Variants in NF1 observed in about 807,000 individuals in gnomAD.
The protein encoded by NF1 is neurofibromin 1.
Under a neutral mutation model 325.7 loss-of-function variants are expected in NF1, and 122 were observed. The observed-to-expected ratio is 0.37, with a 90% CI of 0.32 to 0.44. NF1 has a LOEUF of 0.44. NF1 is among the 20% of genes least tolerant of loss of function. NF1 has a pLI of 1.00. For synonymous variants in NF1, 1,091 were observed against 1,186.0 expected, an observed-to-expected ratio of 0.92 and a Z score of 1.65; for missense variants, 2,140 against 3,415.4, an observed-to-expected ratio of 0.63 and a Z score of 9.31.
intron 13 of NF1, among the ~76,000 whole-genome samples, chr17:31,217,408 T>A (rs2066838202): frequency 6.6e-6 from 1 of 151,672 alleles, no homozygotes; most frequent in Non-Finnish European, 1.5e-5. Context: ...GCCTCCTGGG[T>A]TGAAGTGATT....
At chr17:31,110,233 G>A (rs1204032042) in intron 1 of NF1, among the ~76,000 whole-genome samples, 5 of 152,102 alleles carry the variant, frequency 3.3e-5, no homozygotes, top group Admixed American at 3.3e-4. Context: ...ACAATTGGAT[G>A]AACTTTAAAA....
At chr17:31,243,792 T>C (rs756542809) in intron 29 of NF1, among the ~76,000 whole-genome samples, 2 of 151,906 alleles carry the variant, frequency 1.3e-5, no homozygotes, top group Non-Finnish European at 1.5e-5. Flanking sequence ...AGGAGCCTAC[T>C]TAGTGCCCTA....
intron 8 of NF1, among the ~76,000 whole-genome samples, chr17:31,191,848 CT>C (rs1223704650): frequency 6.6e-6 from 1 of 152,100 alleles, no homozygotes; most frequent in Non-Finnish European, 1.5e-5. Context: ...AATTTTTATT[CT>C]TTTTAAGGTT....
At chr17:31,151,405 A>G (rs999080291) in intron 1 of NF1, among the ~76,000 whole-genome samples, 1 of 152,186 alleles carries the variant, frequency 6.6e-6, no homozygotes, top group Non-Finnish European at 1.5e-5. Context: ...TGTCTTTCCA[A>G]TTATTCTGGT....
intron 1 of NF1, among the ~76,000 whole-genome samples, chr17:31,135,872 C>G (rs1382614519): frequency 2.0e-5 from 3 of 152,100 alleles, no homozygotes; most frequent in African/African-American, 7.2e-5. Flanking sequence ...CCACCACCCC[C>G]AGCTCTGCCA....
Position 31,095,354 on chromosome 17 carries a change from C to T in NF1, c.45C>T (p.Ser15=), listed in dbSNP as rs2143145432. ...RPVEWVQAVV[S]RFDEQLPIKT... is the part of the protein sequence containing the mutation. ...TGGAATGGGTCCAGGCCGTGGTCAGCCGCTTCGACGAGCAGGTAACCGGCC... is the reference window on the plus strand; with the variant it reads ...TGGAATGGGTCCAGGCCGTGGTCAGTCGCTTCGACGAGCAGGTAACCGGCC... The change falls in exon 1 of 58, where the codon AGC becomes AGT. Residue 15 remains serine (S), a synonymous_variant. Coordinates refer to ENST00000358273, the MANE Select transcript of NF1 (RefSeq NM_001042492.3). The T allele has an allele frequency of 6.5e-7, 1 of 1,540,040 alleles. No homozygotes were observed. Among genetic ancestry groups the T allele is most frequent in the African/African-American group, 1.4e-5 (1 of 73,132 alleles).
chr17:31,344,399 T>C (rs924952003), intron 48 of NF1, among the ~76,000 whole-genome samples: 23 of 152,176 alleles, frequency 1.5e-4, no homozygotes, highest in African/African-American at 5.3e-4. Context: ...CATGTAGTGG[T>C]GGGTCAGAAG....
At position 31,219,012 on chromosome 17, in the gene NF1, G is replaced by T; in HGVS notation, c.1535G>T (p.Arg512Ile). The T allele has an allele frequency of 6.2e-7, 1 of 1,612,556 alleles. No individual in the cohort carries two copies. Among genetic ancestry groups the T allele is most frequent in the Non-Finnish European group, 8.5e-7 (1 of 1,179,412 alleles). The change falls in exon 14 of 58, where the codon AGA becomes ATA. Residue 512 changes from arginine to isoleucine, a missense_variant. Transcript: ENST00000358273. The stretch of plus-strand genomic sequence containing the variant: ...TCCTTTTTTTCCTTGCAGAATCCAA[G>T]AAAACAGGGGCCCGAAACCCAAGGC... Reference protein sequence around the residue: ...ADPKLLLCNPRKQGPETQGST... With the variant: ...ADPKLLLCNPIKQGPETQGST...
chr17:31,153,829 G>A (rs904164492), intron 1 of NF1, among the ~76,000 whole-genome samples: 5 of 150,044 alleles, frequency 3.3e-5, no homozygotes, highest in Non-Finnish European at 7.4e-5. Context: ...GCCCAGGCTG[G>A]TCTTGAACTC....
chr17:31,304,270 A>G, intron 36 of NF1: 2 of 1,603,544 alleles, frequency 1.2e-6, no homozygotes, highest in Non-Finnish European at 1.7e-6. Flanking sequence ...TATTTATAAC[A>G]GTTCTGCAGG....
intron 36 of NF1, among the ~76,000 whole-genome samples, chr17:31,277,059 AG>A (rs1329103626): frequency 1.3e-5 from 2 of 152,358 alleles, no homozygotes; most frequent in Admixed American, 1.3e-4. Flanking sequence ...ATTGTTACCC[AG>A]AAAATCATGA....
intron 36 of NF1, among the ~76,000 whole-genome samples, chr17:31,298,531 C>A (rs921060404): frequency 6.6e-6 from 1 of 152,024 alleles, no homozygotes; most frequent in Non-Finnish European, 1.5e-5. Flanking sequence ...TATTTTCTTA[C>A]AAGAGAAACT....
intron 20 of NF1, 129 bp downstream of exon 20, chr17:31,227,735 G>T (rs558867952): frequency 2.5e-6 from 2 of 811,026 alleles, no homozygotes; most frequent in Non-Finnish European, 4.2e-6. Context: ...ATTTAGTTGT[G>T]GTTTATCTAG....
Position 31,375,760 on chromosome 17 carries a change from T to C in NF1, c.*1605T>C, listed in dbSNP as rs1049700875. ...TTTAAGTGTTCTGATTTTAATAATA[T>C]ATTTCACATTTATCCACACAGTAAC... On this transcript the variant is annotated 3_prime_UTR_variant, in exon 58 of 58. Coordinates refer to ENST00000358273, the MANE Select transcript of NF1 (RefSeq NM_001042492.3). The C allele has an allele frequency of 8.6e-6, 2 of 232,470 alleles. No individual in the cohort carries two copies. Among genetic ancestry groups the C allele is most frequent in the Admixed American group, 1.1e-4 (2 of 17,766 alleles). The allele number at this position is 232,470 out of a possible 1,614,324, so 14.4% of individuals were successfully genotyped here. A position where few individuals can be genotyped will look rare whatever the true frequency, so the allele number is the denominator to read the frequency against.
chr17:31,352,105 C>A, intron 50 of NF1, 152 bp from the exon 51 acceptor site: 2 of 695,570 alleles, frequency 2.9e-6, no homozygotes, highest in Non-Finnish European at 5.0e-6. Context: ...AGGGATACAC[C>A]AAGAGTTTGT....
chr17:31,113,301 G>A (rs1913587121), intron 1 of NF1, among the ~76,000 whole-genome samples: 1 of 151,998 alleles, frequency 6.6e-6, no homozygotes, highest in Admixed American at 6.6e-5. Context: ...TTAAAGACAG[G>A]GTCTTGCTCT....
chr17:31,157,342 T>C (rs971875676), intron 2 of NF1, among the ~76,000 whole-genome samples: 2 of 152,190 alleles, frequency 1.3e-5, no homozygotes, highest in African/African-American at 4.8e-5. Flanking sequence ...AAACAACTTC[T>C]GGTTATAGAT....
chr17:31,132,956 C>G (rs113929039), intron 1 of NF1, among the ~76,000 whole-genome samples: 4 of 152,146 alleles, frequency 2.6e-5, no homozygotes, highest in African/African-American at 7.2e-5. Flanking sequence ...CATGAACCAC[C>G]GTGCCTGGCC....
At position 31,374,503 on chromosome 17, in the gene NF1, A is replaced by T. The variant is rs576381263; in HGVS notation, c.*348A>T. On this transcript the variant is annotated 3_prime_UTR_variant, in exon 58 of 58. Transcript: ENST00000358273. ...ACTGCTACTACTGGCCAGTGATGAAAGCCATTTGCACAGAGCTCTGCCTTC... is the reference window on the plus strand; with the variant it reads ...ACTGCTACTACTGGCCAGTGATGAATGCCATTTGCACAGAGCTCTGCCTTC... The T allele has an allele frequency of 1.8e-5, 8 of 436,598 alleles. No homozygotes were observed. The highest frequency in any genetic ancestry group is 1.6e-4 in the South Asian group (7 of 44,300). 27.0% of individuals were successfully genotyped at this position (436,598 alleles called of 1,614,324 possible).
Sources: allele counts gnomAD v4.1 joint callset (sites outside exome capture counted in the v4.1 genomes callset), GRCh38; gene constraint gnomAD v4.1.1; transcripts MANE v1.5; gene names NCBI Gene and HGNC (gene_info 2026-07-23, HGNC 2026-07-21).